Variants in TDRD7 observed in about 807,000 individuals in gnomAD.
The protein encoded by TDRD7 is tudor domain-containing protein 7.
In TDRD7, 47 loss-of-function variants were observed where a neutral mutation model predicts 109.8. The ratio of observed to expected loss-of-function variants is 0.43; its 90% CI spans 0.34 to 0.55. The LOEUF (loss-of-function observed/expected upper bound fraction) is 0.55. Ranked by LOEUF, TDRD7 falls within the 20% of genes least tolerant of loss-of-function variation. The pLI is 0.03. For missense variants in TDRD7, 1,164 were observed against 1,319.2 expected (o/e 0.88, Z 1.82); for synonymous variants, 424 against 457.3 (o/e 0.93, Z 0.93).
chr9:97,496,029 T>C lies in TDRD7; in HGVS notation c.*146T>C, dbSNP rs1829392903. On this transcript the variant is annotated 3_prime_UTR_variant, in exon 17 of 17. Coordinates refer to ENST00000355295, the MANE Select transcript of TDRD7 (RefSeq NM_014290.3). ...ATATGCTTATGTTTGATGAAAGATA[T>C]TTAACAAGTTTTGTTTTAACAGAGT... The C allele has an allele frequency of 4.4e-6, 3 of 685,712 alleles. No individual in the cohort carries two copies. Among genetic ancestry groups the C allele is most frequent in the Admixed American group, 2.4e-5 (1 of 40,964 alleles). 42.5% of individuals were successfully genotyped at this position (685,712 alleles called of 1,614,324 possible).
At chr9:97,461,374 C>T (rs1828722436) in intron 7 of TDRD7, among the ~76,000 whole-genome samples, 1 of 152,224 alleles carries the variant, frequency 6.6e-6, no homozygotes, top group Non-Finnish European at 1.5e-5. Context: ...GTGCCCTACA[C>T]ACTGCATAAT....
At chr9:97,472,226 A>T (rs1376976132) in intron 9 of TDRD7, 67 bp from the exon 10 acceptor site, 13 of 1,364,844 alleles carry the variant, frequency 9.5e-6, no homozygotes, top group Non-Finnish European at 1.4e-5. Flanking sequence ...AACAGACACA[A>T]TCCATCTATT....
intron 11 of TDRD7, 102 bp downstream of exon 11, chr9:97,473,728 A>ATTTTT: frequency 6.8e-7 from 1 of 1,462,768 alleles, no homozygotes; most frequent in East Asian, 2.4e-5. Context: ...TGTATGAACG[A>ATTTTT]TTTTTTAGTA....
chr9:97,416,479 A>C (rs1186903454), intron 1 of TDRD7, among the ~76,000 whole-genome samples: 1 of 152,230 alleles, frequency 6.6e-6, no homozygotes, highest in Non-Finnish European at 1.5e-5. Flanking sequence ...AAACAGGACT[A>C]TAAGTACATG....
At position 97,412,742 on chromosome 9, in the gene TDRD7, C is replaced by T. The variant is rs1476938072; in HGVS notation, c.-7+504C>T. Among the ~76,000 whole-genome samples the T allele has an allele frequency of 6.6e-6, 1 of 152,200 alleles. No homozygotes were observed. Among genetic ancestry groups the T allele is most frequent in the African/African-American group, 2.4e-5 (1 of 41,446 alleles). ...CTATAATCTGGAGACGAGCCCCAGGCAGGCCGCTTAAGTAATGCAGGACAC... is the reference window on the plus strand; with the variant it reads ...CTATAATCTGGAGACGAGCCCCAGGTAGGCCGCTTAAGTAATGCAGGACAC... On this transcript the variant is annotated intron_variant, in intron 1 of 16. Coordinates refer to ENST00000355295, the MANE Select transcript of TDRD7 (RefSeq NM_014290.3). This position sits in a 1 kb window ranked among gnomAD's most constrained non-coding sequence, Gnocchi z 4.3.
At chr9:97,471,225 G>T (rs1476862034) in intron 9 of TDRD7, among the ~76,000 whole-genome samples, 1 of 152,170 alleles carries the variant, frequency 6.6e-6, no homozygotes, top group African/African-American at 2.4e-5. Flanking sequence ...AAGGACAGAT[G>T]ACACATTGGT....
chr9:97,473,256 C>G (rs549573534), intron 10 of TDRD7, among the ~76,000 whole-genome samples: 2 of 152,148 alleles, frequency 1.3e-5, no homozygotes, highest in African/African-American at 4.8e-5. Context: ...AATGTATGCA[C>G]AATGTCTATT....
At chr9:97,439,345 AC>A (rs1828256945) in intron 5 of TDRD7, 27 bp downstream of exon 5, 7 of 1,578,412 alleles carry the variant, frequency 4.4e-6, no homozygotes, top group Non-Finnish European at 6.0e-6. Flanking sequence ...TTTTTGAGAT[AC>A]ATATTGGCTT....
intron 6 of TDRD7, among the ~76,000 whole-genome samples, chr9:97,450,504 G>T (rs1828472498): frequency 6.6e-6 from 1 of 152,152 alleles, no homozygotes. Flanking sequence ...GTAGATGTTG[G>T]CTTGCCTTGG....
chr9:97,481,663 A>G (rs946240154), intron 14 of TDRD7, among the ~76,000 whole-genome samples: 1 of 152,228 alleles, frequency 6.6e-6, no homozygotes, highest in Non-Finnish European at 1.5e-5. Context: ...GTACAATTAC[A>G]TGCTTAATTA....
At chr9:97,448,919 G>A (rs1297188919) in intron 6 of TDRD7, among the ~76,000 whole-genome samples, 2 of 152,162 alleles carry the variant, frequency 1.3e-5, no homozygotes, top group African/African-American at 4.8e-5. Context: ...GAAAGAGTAA[G>A]CTTACCTCAG....
chr9:97,490,913 T>C (rs928752795), intron 16 of TDRD7, among the ~76,000 whole-genome samples: 7 of 133,654 alleles, frequency 5.2e-5, no homozygotes, highest in Non-Finnish European at 1.1e-4. Flanking sequence ...TCTTTTCTTT[T>C]TTTTTTTTTT....
intron 13 of TDRD7, among the ~76,000 whole-genome samples, chr9:97,478,901 AT>A (rs1829068744): frequency 6.6e-6 from 1 of 151,960 alleles, no homozygotes; most frequent in Admixed American, 6.5e-5. Context: ...ATAAATGTTT[AT>A]TTTTAGAGTT....
chr9:97,458,687 G>C (rs1828660591), intron 6 of TDRD7, among the ~76,000 whole-genome samples: 1 of 152,158 alleles, frequency 6.6e-6, no homozygotes, highest in Non-Finnish European at 1.5e-5. Flanking sequence ...CAAAACTTAA[G>C]CATACATTGG....
intron 16 of TDRD7, among the ~76,000 whole-genome samples, chr9:97,490,927 T>G (rs1166919422): frequency 9.9e-4 from 139 of 140,766 alleles, no homozygotes; most frequent in African/African-American, 3.6e-3. Flanking sequence ...TTTTTTTTTT[T>G]TTTTTTGAGA....
In TDRD7 at chr9:97,428,690, C is replaced by T. The variant is rs10817568; in HGVS notation, c.207+18C>T. 0.014 allele frequency: 23,051 copies of T among 1,609,000 alleles called. 811 individuals carry two copies. Among genetic ancestry groups the T allele is most frequent in the East Asian group, 0.12 (5,562 of 44,840 alleles). On this transcript the variant is annotated intron_variant, in intron 2 of 16. Transcript: ENST00000355295. ...CTGGAGAGGTAAGAAGGTAATTGTG[C>T]GTGTCAGAAGAATCAAACCAATTCA...
chr9:97,461,024 C>A (rs1476266390), intron 7 of TDRD7, among the ~76,000 whole-genome samples: 1 of 151,736 alleles, frequency 6.6e-6, no homozygotes, highest in East Asian at 1.9e-4. Flanking sequence ...GCCTGTAGTC[C>A]CAGCTACTCG....
At chr9:97,460,948 T>C (rs994429515) in intron 7 of TDRD7, among the ~76,000 whole-genome samples, 184 bp downstream of exon 7, 4 of 152,130 alleles carry the variant, frequency 2.6e-5, no homozygotes, top group African/African-American at 9.7e-5. Flanking sequence ...GAGACCATCC[T>C]GGCTAACATG....
At chr9:97,438,676 G>T (rs1333692967) in intron 4 of TDRD7, among the ~76,000 whole-genome samples, 1 of 152,088 alleles carries the variant, frequency 6.6e-6, no homozygotes, top group African/African-American at 2.4e-5. Flanking sequence ...TTTAGTGAGG[G>T]TATGAGGTAG....
Sources: gnomAD v4.1 joint callset for allele counts (sites outside exome capture counted in the v4.1 genomes callset) on GRCh38, gnomAD v4.1.1 for gene constraint, Gnocchi (gnomAD v3.1) non-coding constraint, MANE v1.5 for transcripts, NCBI Gene and HGNC (gene_info 2026-07-23, HGNC 2026-07-21) for gene names.